Variants in TPM4 observed in about 807,000 individuals in gnomAD.
The protein encoded by TPM4 is tropomyosin alpha-4 chain.
Under a neutral mutation model 35.8 loss-of-function variants are expected in TPM4, and 17 were observed. The ratio of observed to expected loss-of-function variants is 0.47; its 90% confidence interval spans 0.32 to 0.71. The LOEUF (loss-of-function observed/expected upper bound fraction) is 0.71. Ranked by LOEUF, TPM4 falls within the 30% of genes least tolerant of loss-of-function variation. TPM4 has a pLI of 0.03. For synonymous variants in TPM4, 120 were observed against 122.9 expected (o/e 0.98, Z 0.15); for missense variants, 240 against 320.9 (o/e 0.75, Z 1.93).
intron 7 of TPM4, among the ~76,000 whole-genome samples, chr19:16,094,369 A>G (rs931706221): frequency 3.3e-5 from 5 of 151,886 alleles, no homozygotes; most frequent in Non-Finnish European, 7.4e-5. Flanking sequence ...CCCCGTCTCT[A>G]CCAAAAATAG....
At position 16,067,748 on chromosome 19, in the gene TPM4, C is replaced by T. The variant is rs2144901572; in HGVS notation, c.114+10C>T. On this transcript the variant is annotated intron_variant, in intron 2 of 2. Transcript: ENST00000589897. The surrounding 1 kb of genome is among the most constrained non-coding windows in gnomAD (Gnocchi z 4.1). ...GGACAAGTGCAAGCAGGTGAGGTGC[C>T]CTCCGCTGGGCCGCTCCGGGCTGCT... 1 of 1,610,038 alleles carries T rather than the reference C, an allele frequency of 6.2e-7. No individual in the cohort carries two copies. The highest frequency in any genetic ancestry group is 1.1e-5 in the South Asian group (1 of 90,778).
intron 1 of TPM4, chr19:16,077,931 T>G (rs1310219002): frequency 8.6e-6 from 3 of 349,110 alleles, no homozygotes; most frequent in Non-Finnish European, 1.5e-5. Context: ...CCAGCTAATT[T>G]TTTTTTTTTT....
chr19:16,078,184 G>C (rs546690157), intron 1 of TPM4: 2 of 398,720 alleles, frequency 5.0e-6, no homozygotes, highest in African/African-American at 2.1e-5. Context: ...GCAGTTATGG[G>C]AGCATGACAG....
At chr19:16,083,385 G>A (rs953483612) in intron 2 of TPM4, among the ~76,000 whole-genome samples, 3 of 152,138 alleles carry the variant, frequency 2.0e-5, no homozygotes, top group Non-Finnish European at 4.4e-5. Flanking sequence ...GGCAGAGGGT[G>A]CAGTGAGCCA....
chr19:16,076,724 A>C, intron 1 of TPM4, 27 bp downstream of exon 1: 1 of 1,301,782 alleles, frequency 7.7e-7, no homozygotes, highest in Non-Finnish European at 9.8e-7. Context: ...CGGGCCCCGC[A>C]CCCGCAGCCT....
intron 1 of TPM4, among the ~76,000 whole-genome samples, chr19:16,077,587 C>A (rs1361066388): frequency 6.6e-6 from 1 of 152,166 alleles, no homozygotes. Flanking sequence ...GGATTCTGGT[C>A]CCATATCATG....
At chr19:16,077,572 G>A (rs1316685117) in intron 1 of TPM4, among the ~76,000 whole-genome samples, 1 of 152,222 alleles carries the variant, frequency 6.6e-6, no homozygotes, top group Non-Finnish European at 1.5e-5. Context: ...TCTGGGGACA[G>A]ATTTGGATTC....
chr19:16,076,005 C>T (rs772486173), upstream of TPM4: 3 of 1,535,984 alleles, frequency 2.0e-6, no homozygotes, highest in Non-Finnish European at 2.7e-6. Flanking sequence ...GGGACGTGAC[C>T]CCCCCCCCAG....
intron 7 of TPM4, among the ~76,000 whole-genome samples, chr19:16,099,502 T>C (rs2090740354): frequency 6.6e-6 from 1 of 152,042 alleles, no homozygotes; most frequent in Non-Finnish European, 1.5e-5. Flanking sequence ...AAGGATCACT[T>C]GAGCCCAGGA....
chr19:16,080,880 G>A (rs1331162303), intron 1 of TPM4: 1 of 395,798 alleles, frequency 2.5e-6, no homozygotes, highest in Non-Finnish European at 4.4e-6. Context: ...GGAGTTCCTG[G>A]TTTAATGCTT....
intron 7 of TPM4, among the ~76,000 whole-genome samples, chr19:16,096,851 TTAGAA>T (rs1242229811): frequency 6.6e-6 from 1 of 151,664 alleles, no homozygotes; most frequent in African/African-American, 2.4e-5. Flanking sequence ...TTGCTTTAGT[TTAGAA>T]TAGCTCTTAA....
At position 16,070,287 on chromosome 19, in the gene TPM4, G is replaced by A. The variant is rs554030898; in HGVS notation, c.114+2549G>A. 6.6e-6 allele frequency among the ~76,000 whole-genome samples: 1 copy of A among 152,160 alleles called. No homozygotes were observed. The highest frequency in any genetic ancestry group is 2.4e-5 in the African/African-American group (1 of 41,418). On this transcript the variant is annotated intron_variant, in intron 2 of 2. Coordinates refer to the TPM4 transcript ENST00000589897. This position sits in a 1 kb window ranked among gnomAD's most constrained non-coding sequence, Gnocchi z 7.4. The stretch of plus-strand genomic sequence containing the variant: ...GAGAATGCATTGGAGTTCCAAGGCC[G>A]TGGCCATGGTTTGGGGCAGAGCAGA...
upstream of TPM4, among the ~76,000 whole-genome samples, chr19:16,072,290 C>T (rs2090363159): frequency 1.3e-5 from 2 of 152,216 alleles, no homozygotes; most frequent in Non-Finnish European, 2.9e-5. Context: ...TGAATACCTC[C>T]AGCTCAGAGG....
upstream of TPM4, among the ~76,000 whole-genome samples, chr19:16,073,938 TAAAAAAAA>T (rs71178637): frequency 2.0e-4 from 7 of 35,634 alleles, no homozygotes; most frequent in African/African-American, 3.4e-4. Context: ...GAAGACCATG[TAAAAAAAA>T]AAAAAAAAAA....
At chr19:16,092,464 C>T (rs755775127) in intron 5 of TPM4, among the ~76,000 whole-genome samples, 10 of 151,982 alleles carry the variant, frequency 6.6e-5, no homozygotes, top group Admixed American at 1.3e-4. Flanking sequence ...CAGGACTCTC[C>T]CCAACATCCT....
intron 5 of TPM4, 51 bp downstream of exon 5, chr19:16,089,171 C>T (rs1000728978): frequency 6.2e-7 from 1 of 1,609,526 alleles, no homozygotes. Context: ...TTGTTCTTTT[C>T]TTCTCCCGAG....
At chr19:16,085,890 G>A (rs1304905051) in intron 2 of TPM4, among the ~76,000 whole-genome samples, 4 of 151,806 alleles carry the variant, frequency 2.6e-5, no homozygotes, top group African/African-American at 7.3e-5. Flanking sequence ...CCAACATGGC[G>A]AAACCCCCTC....
chr19:16,089,543 G>A lies in TPM4; in HGVS notation c.531+423G>A, dbSNP rs558731935. Among the ~76,000 whole-genome samples the A allele has an allele frequency of 5.9e-5, 9 of 152,234 alleles. No homozygotes were observed. The South Asian group carries it at 8.3e-4, about 14-fold the overall frequency. On this transcript the variant is annotated intron_variant, in intron 5 of 7. Coordinates refer to ENST00000643579, the MANE Select transcript of TPM4 (RefSeq NM_003290.3). The stretch of plus-strand genomic sequence containing the variant: ...AAAGCAGTTGCTACGTGGCAGCTAC[G>A]TCGGGAACAAAGGACACACTTCCAC...
intron 7 of TPM4, among the ~76,000 whole-genome samples, chr19:16,094,294 G>A (rs980098213): frequency 2.0e-4 from 30 of 152,240 alleles, no homozygotes; most frequent in African/African-American, 7.0e-4. Flanking sequence ...AGCACTTTGG[G>A]AGGCCGAGGC....
Sources: allele counts gnomAD v4.1 joint callset (sites outside exome capture counted in the v4.1 genomes callset), GRCh38; gene constraint gnomAD v4.1.1; non-coding constraint Gnocchi (gnomAD v3.1); transcripts MANE v1.5; gene names NCBI Gene and HGNC (gene_info 2026-07-23, HGNC 2026-07-21).